Variants in MAN1A1 observed in about 807,000 individuals in gnomAD.
MAN1A1 encodes mannosyl-oligosaccharide 1,2-alpha-mannosidase IA.
MAN1A1 carries 29 observed loss-of-function variants against 70.8 expected under a neutral mutation model. The ratio of observed to expected loss-of-function variants is 0.41; its 90% CI spans 0.31 to 0.56. The LOEUF is 0.56. Ranked by LOEUF, MAN1A1 falls within the 20% of genes least tolerant of loss-of-function variation. The pLI is 0.29. For synonymous variants in MAN1A1, 349 were observed against 330.1 expected, an observed-to-expected ratio of 1.06 and a Z score of -0.62; for missense variants, 747 against 841.3, an observed-to-expected ratio of 0.89 and a Z score of 1.39.
intron 5 of MAN1A1, among the ~76,000 whole-genome samples, chr6:119,267,663 T>A (rs1775795249): frequency 6.6e-6 from 1 of 152,148 alleles, no homozygotes; most frequent in South Asian, 2.1e-4. Flanking sequence ...CTAGAAACCC[T>A]ATGTGGGCCT....
chr6:119,216,328 C>A (rs754472217), intron 6 of MAN1A1, among the ~76,000 whole-genome samples: 3 of 152,050 alleles, frequency 2.0e-5, no homozygotes, highest in Admixed American at 2.0e-4. Flanking sequence ...AAAGGCAGAT[C>A]GTTGGTGGCC....
chr6:119,206,804 C>T (rs1773873128), intron 6 of MAN1A1, among the ~76,000 whole-genome samples: 1 of 152,150 alleles, frequency 6.6e-6, no homozygotes, highest in Non-Finnish European at 1.5e-5. Flanking sequence ...GTCAATAAGC[C>T]TATTTAGCAA....
At chr6:119,267,385 C>T (rs1409949539) in intron 5 of MAN1A1, among the ~76,000 whole-genome samples, 1 of 151,934 alleles carries the variant, frequency 6.6e-6, no homozygotes, top group African/African-American at 2.4e-5. Context: ...AATTTACATA[C>T]ATCAAGATAA....
intron 6 of MAN1A1, among the ~76,000 whole-genome samples, chr6:119,232,148 G>A (rs1051394494): frequency 2.0e-5 from 3 of 151,876 alleles, no homozygotes; most frequent in Non-Finnish European, 4.4e-5. Context: ...CGAGGCAGGC[G>A]GATCACGAGG....
At chr6:119,346,285 C>T (rs912413153) in intron 2 of MAN1A1, among the ~76,000 whole-genome samples, 5 of 152,190 alleles carry the variant, frequency 3.3e-5, no homozygotes, top group African/African-American at 1.2e-4. Context: ...ATATTTACAG[C>T]ACAGTTTTTA....
intron 5 of MAN1A1, among the ~76,000 whole-genome samples, chr6:119,257,375 T>C (rs1486404707): frequency 6.6e-6 from 1 of 152,142 alleles, no homozygotes; most frequent in East Asian, 1.9e-4. Context: ...ACTACTTTAG[T>C]GCCTCCCATT....
intron 6 of MAN1A1, among the ~76,000 whole-genome samples, chr6:119,225,070 GGAGGCAGAGGTTGCAGT>G (rs1425706922): frequency 6.6e-6 from 1 of 152,040 alleles, no homozygotes. Flanking sequence ...GAGGTTGCAG[GGAGGCAGAGGTTGCAGT>G]GAGCCAAGAT....
At chr6:119,342,869 CCCCTTTCA>C (rs1191139913) in intron 2 of MAN1A1, among the ~76,000 whole-genome samples, 1 of 152,130 alleles carries the variant, frequency 6.6e-6, no homozygotes, top group African/African-American at 2.4e-5. Context: ...TCTGGGTGAT[CCCCTTTCA>C]CCCTTTGTAT....
intron 2 of MAN1A1, among the ~76,000 whole-genome samples, chr6:119,323,743 T>A (rs545594304): frequency 2.6e-4 from 40 of 152,118 alleles, no homozygotes; most frequent in African/African-American, 9.6e-4. Flanking sequence ...ATGAACAGAG[T>A]CTCAGATAGT....
upstream of MAN1A1, chr6:119,350,590 A>G (rs1033436330): frequency 5.2e-5 from 51 of 979,480 alleles, no homozygotes; most frequent in Middle Eastern, 5.2e-4. Flanking sequence ...GCTTCAAGCA[A>G]TAAGTCGAAC....
chr6:119,347,118 C>T (rs994364859), intron 2 of MAN1A1, among the ~76,000 whole-genome samples: 3 of 152,190 alleles, frequency 2.0e-5, no homozygotes, highest in Admixed American at 6.5e-5. Flanking sequence ...AAGCTATCTG[C>T]ATAGGAAGGA....
At chr6:119,239,638 T>C (rs1322270822) in intron 6 of MAN1A1, among the ~76,000 whole-genome samples, 1 of 152,238 alleles carries the variant, frequency 6.6e-6, no homozygotes, top group African/African-American at 2.4e-5. Context: ...TTCAACCATG[T>C]ATTCAAACTA....
Position 119,348,682 on chromosome 6 carries a change from G to A in MAN1A1, c.384C>T (p.His128=). The A allele has an allele frequency of 6.2e-7, 1 of 1,611,116 alleles. No homozygotes were observed. Among genetic ancestry groups the A allele is most frequent in the African/African-American group, 1.3e-5 (1 of 74,896 alleles). Residue 128 remains histidine (H), a synonymous_variant, in exon 2 of 13, where the codon CAC becomes CAT. Coordinates refer to ENST00000368468, the MANE Select transcript of MAN1A1 (RefSeq NM_005907.4). ...CCTTGGCTTCCCTGAGAGCCCGCTC[G>A]TGGTTTTCGCGGATCCTGGCCAAGT... ...EDNLARIREN[H]ERALREAKET...
At chr6:119,222,525 C>T (rs999946625) in intron 6 of MAN1A1, among the ~76,000 whole-genome samples, 1 of 151,854 alleles carries the variant, frequency 6.6e-6, no homozygotes, top group African/African-American at 2.4e-5. Flanking sequence ...CAAGGTCTTG[C>T]TATGTTGCCC....
chr6:119,272,075 A>G (rs1221744036), intron 5 of MAN1A1, among the ~76,000 whole-genome samples: 1 of 152,234 alleles, frequency 6.6e-6, no homozygotes, highest in Non-Finnish European at 1.5e-5. Flanking sequence ...AAATTTACAC[A>G]TGGCTTCAAT....
At chr6:119,340,106 A>G (rs576494461) in intron 2 of MAN1A1, among the ~76,000 whole-genome samples, 1 of 152,138 alleles carries the variant, frequency 6.6e-6, no homozygotes, top group Non-Finnish European at 1.5e-5. Flanking sequence ...CAAAAACAAA[A>G]CAAAAACAGT....
At chr6:119,342,433 T>C (rs902400557) in intron 2 of MAN1A1, among the ~76,000 whole-genome samples, 1 of 152,170 alleles carries the variant, frequency 6.6e-6, no homozygotes, top group Non-Finnish European at 1.5e-5. Context: ...TCTGATACCA[T>C]TCTAAGTGCT....
At chr6:119,255,282 C>A (rs922404651) in intron 5 of MAN1A1, among the ~76,000 whole-genome samples, 5 of 152,226 alleles carry the variant, frequency 3.3e-5, no homozygotes, top group Admixed American at 6.5e-5. Context: ...TTGAAAACTT[C>A]ACCATTAAAA....
chr6:119,204,255 G>C (rs944360009), intron 7 of MAN1A1, among the ~76,000 whole-genome samples: 6 of 152,170 alleles, frequency 3.9e-5, no homozygotes, highest in Admixed American at 3.9e-4. Flanking sequence ...TTGAAAAGTA[G>C]ACAACAGGGA....
Sources: gnomAD v4.1 joint callset for allele counts (sites outside exome capture counted in the v4.1 genomes callset) on GRCh38, gnomAD v4.1.1 for gene constraint, MANE v1.5 for transcripts, NCBI Gene and HGNC (gene_info 2026-07-23, HGNC 2026-07-21) for gene names.